The following GRM8 variants were observed in gnomAD, a reference collection of about 807,000 sequenced individuals.
GRM8 encodes glutamate metabotropic receptor 8, also known as metabotropic glutamate receptor 8.
In GRM8, 47 loss-of-function variants were observed where a neutral mutation model predicts 87.2. The ratio of observed to expected loss-of-function variants is 0.54; its 90% CI spans 0.43 to 0.69. The LOEUF (loss-of-function observed/expected upper bound fraction) is 0.69. Among genes scored for constraint, GRM8 ranks in the 30% least tolerant of loss-of-function variants. The probability of loss-of-function intolerance (pLI) is 0.00; values close to 1 mark genes in which losing one functional copy is unlikely to be tolerated. For missense variants in GRM8, 1,019 were observed against 1,139.2 expected, an observed-to-expected ratio of 0.89 and a Z score of 1.52; for synonymous variants, 396 against 404.5, an observed-to-expected ratio of 0.98 and a Z score of 0.25.
intron 3 of GRM8, among the ~76,000 whole-genome samples, chr7:126,989,174 T>C (rs779075805): frequency 6.6e-6 from 1 of 152,202 alleles, no homozygotes; most frequent in Non-Finnish European, 1.5e-5. Flanking sequence ...TAGAGGCTCT[T>C]AGGGTACAAT....
rs545283180 is a variant in GRM8 at position 126,749,652 on chromosome 7, A to G, written c.1357+20213T>C. Reference sequence around the variant, plus strand: ...TTCAAGGGGAAGCTGTAAATAATTCAGTTTTTAAAAATAGACAAAAGATTT... The same window carrying G: ...TTCAAGGGGAAGCTGTAAATAATTCGGTTTTTAAAAATAGACAAAAGATTT... On this transcript the variant is annotated intron_variant, in intron 7 of 10. Transcript: ENST00000339582. Among the ~76,000 whole-genome samples the G allele has an allele frequency of 7.1e-3, 418 of 59,012 alleles. 4 individuals are homozygous for G. Among genetic ancestry groups the G allele is most frequent in the African/African-American group, 0.017 (403 of 24,280 alleles). The allele number at this position is 59,012 out of a possible 152,430, so 38.7% of individuals were successfully genotyped here. A position where few individuals can be genotyped will look rare whatever the true frequency, so the allele number is the denominator to read the frequency against.
intron 2 of GRM8, among the ~76,000 whole-genome samples, chr7:127,107,381 T>C (rs1825910028): frequency 6.6e-6 from 1 of 152,216 alleles, no homozygotes; most frequent in South Asian, 2.1e-4. Context: ...ATAAATTCTT[T>C]AGAAGAGACT....
intron 3 of GRM8, among the ~76,000 whole-genome samples, chr7:127,054,459 G>A (rs1220185183): frequency 9.2e-5 from 14 of 152,136 alleles, no homozygotes. Context: ...CTTTCTTTGA[G>A]GGGGTTATTA....
intron 2 of GRM8, among the ~76,000 whole-genome samples, chr7:127,173,421 T>C (rs1266904967): frequency 1.3e-5 from 2 of 152,020 alleles, no homozygotes; most frequent in African/African-American, 4.8e-5. Context: ...GCCTGGATCG[T>C]TCCAGGAAAA....
chr7:127,021,991 A>G (rs1267298611), intron 3 of GRM8, among the ~76,000 whole-genome samples: 2 of 152,056 alleles, frequency 1.3e-5, no homozygotes, highest in Non-Finnish European at 2.9e-5. Flanking sequence ...CCTAAGTCCT[A>G]TGTTGTAGGT....
At chr7:126,840,247 T>G (rs1482487184) in intron 6 of GRM8, among the ~76,000 whole-genome samples, 1 of 152,152 alleles carries the variant, frequency 6.6e-6, no homozygotes, top group African/African-American at 2.4e-5. Flanking sequence ...TCCAAGCAAA[T>G]ATTTTTGTTT....
intron 2 of GRM8, among the ~76,000 whole-genome samples, chr7:127,179,811 T>C (rs1794331025): frequency 6.6e-6 from 1 of 152,018 alleles, no homozygotes; most frequent in African/African-American, 2.4e-5. Flanking sequence ...ATGACAATAA[T>C]GATACAACCT....
rs550764702 is a variant in GRM8, at chr7:126,745,968, GAA to G, written c.1357+23895_1357+23896del. On this transcript the variant is annotated intron_variant, in intron 7 of 10. Transcript: ENST00000339582. ...GATATATAACAAATTTATATCTTCT[GAA>G]AATTCTCTTTTGATTTGGATATATT... 1.6e-4 allele frequency among the ~76,000 whole-genome samples: 24 copies of G among 151,700 alleles called. No homozygotes were observed. The South Asian group carries it at 4.6e-3, about 29-fold the overall frequency.
intron 8 of GRM8, among the ~76,000 whole-genome samples, chr7:126,602,698 G>T (rs1469233002): frequency 6.6e-6 from 1 of 151,390 alleles, no homozygotes; most frequent in Non-Finnish European, 1.5e-5. Flanking sequence ...TGAAGCAATT[G>T]TGAATGGGAG....
At chr7:127,117,842 A>C (rs1436287081) in intron 2 of GRM8, among the ~76,000 whole-genome samples, 1 of 152,218 alleles carries the variant, frequency 6.6e-6, no homozygotes. Flanking sequence ...GAACATTATA[A>C]AATAAAAAGT....
intron 9 of GRM8, among the ~76,000 whole-genome samples, chr7:126,493,772 C>A (rs774520539): frequency 2.6e-5 from 4 of 152,018 alleles, no homozygotes; most frequent in Non-Finnish European, 5.9e-5. Flanking sequence ...ACTACCAACT[C>A]TATATGCAGT....
At chr7:126,825,847 TC>T (rs552505856) in intron 6 of GRM8, among the ~76,000 whole-genome samples, 14 of 151,678 alleles carry the variant, frequency 9.2e-5, no homozygotes, top group Non-Finnish European at 2.1e-4. Flanking sequence ...ATTAGGTATA[TC>T]TCCTAATGCT....
intron 2 of GRM8, among the ~76,000 whole-genome samples, chr7:127,142,688 T>C (rs559225760): frequency 6.6e-6 from 1 of 152,076 alleles, no homozygotes; most frequent in Non-Finnish European, 1.5e-5. Context: ...CATGGATAGA[T>C]GGATGGATGG....
chr7:126,607,691 T>A (rs1297531793), intron 8 of GRM8, among the ~76,000 whole-genome samples: 1 of 152,168 alleles, frequency 6.6e-6, no homozygotes, highest in Non-Finnish European at 1.5e-5. Context: ...GTTCTTTTTT[T>A]ATGTATTTTT....
At chr7:126,794,080 C>T (rs937507761) in intron 6 of GRM8, among the ~76,000 whole-genome samples, 2 of 151,730 alleles carry the variant, frequency 1.3e-5, no homozygotes, top group East Asian at 1.9e-4. Flanking sequence ...AGAAAAATAT[C>T]GATTTGAAAC....
chr7:126,713,063 A>G (rs1411520793), intron 7 of GRM8, among the ~76,000 whole-genome samples: 1 of 152,204 alleles, frequency 6.6e-6, no homozygotes, highest in Non-Finnish European at 1.5e-5. Context: ...CTAGAACCAG[A>G]AATACCATTT....
chr7:126,774,951 C>T lies in GRM8; in HGVS notation c.1157-4886G>A, dbSNP rs530864564. Among the ~76,000 whole-genome samples, 3 of 152,212 alleles carry T rather than the reference C, an allele frequency of 2.0e-5. No homozygotes were observed. The South Asian group carries it at 6.2e-4, about 32-fold the overall frequency. The stretch of plus-strand genomic sequence containing the variant: ...GCATATAAAACTTCTAATATCAATG[C>T]AATGATGGTCCAATAAGCAGTTGGT... On this transcript the variant is annotated intron_variant, in intron 6 of 10. Transcript: ENST00000339582.
At chr7:126,491,675 T>C (rs1182694814) in intron 9 of GRM8, among the ~76,000 whole-genome samples, 1 of 152,078 alleles carries the variant, frequency 6.6e-6, no homozygotes. Context: ...GCCAATTTAT[T>C]TTATCTTTCT....
At chr7:127,120,140 G>A (rs1310326615) in intron 2 of GRM8, among the ~76,000 whole-genome samples, 1 of 152,156 alleles carries the variant, frequency 6.6e-6, no homozygotes, top group Non-Finnish European at 1.5e-5. Context: ...AGAATTATGT[G>A]AGTGCCACAC....
Sources: gnomAD v4.1 joint callset for allele counts (sites outside exome capture counted in the v4.1 genomes callset) on GRCh38, gnomAD v4.1.1 for gene constraint, MANE v1.5 for transcripts, NCBI Gene and HGNC (gene_info 2026-07-23, HGNC 2026-07-21) for gene names.